Variants in AEBP2 observed in about 807,000 individuals in gnomAD.
The protein encoded by AEBP2 is zinc finger protein AEBP2.
A neutral mutation model predicts 50.8 loss-of-function variants in AEBP2; 10 were observed. That is an observed-to-expected ratio of 0.20 (90% confidence interval 0.12 to 0.33). The LOEUF (loss-of-function observed/expected upper bound fraction) is 0.33. Ranked by LOEUF, AEBP2 falls within the 10% of genes least tolerant of loss-of-function variation. The probability of loss-of-function intolerance (pLI) is 1.00; values close to 1 mark genes in which losing one functional copy is unlikely to be tolerated. For synonymous variants in AEBP2, 296 were observed against 261.3 expected (o/e 1.13, Z -1.28); for missense variants, 570 against 688.0 (o/e 0.83, Z 1.92).
Position 19,519,499 on chromosome 12 carries a change from C to T in AEBP2, c.*1382C>T, listed in dbSNP as rs1949369370. On this transcript the variant is annotated 3_prime_UTR_variant, in exon 8 of 8. Transcript: ENST00000266508. ...CTATACCCATAATAGAATTATGGCA[C>T]TCATTTCTGACAGTGATCAAGAAAT... 1 of 152,548 alleles carries T rather than the reference C, an allele frequency of 6.6e-6. No homozygotes were observed. The allele number at this position is 152,548 out of a possible 1,614,324, so 9.4% of individuals were successfully genotyped here.
intron 1 of AEBP2, among the ~76,000 whole-genome samples, chr12:19,431,279 A>G (rs1328210276): frequency 6.6e-6 from 1 of 152,242 alleles, no homozygotes; most frequent in African/African-American, 2.4e-5. Context: ...CTTATTAAAT[A>G]TTAAGTTTAG....
At chr12:19,433,012 A>T (rs765335218) in intron 1 of AEBP2, among the ~76,000 whole-genome samples, 4 of 152,188 alleles carry the variant, frequency 2.6e-5, no homozygotes, top group Non-Finnish European at 5.9e-5. Flanking sequence ...AATTACCTAT[A>T]GCATCACACG....
At chr12:19,469,092 G>A (rs1489829402) in intron 2 of AEBP2, among the ~76,000 whole-genome samples, 2 of 151,968 alleles carry the variant, frequency 1.3e-5, no homozygotes, top group Non-Finnish European at 2.9e-5. Context: ...ACCTGGTTAA[G>A]TTTTTGTATT....
chr12:19,417,162 G>A (rs2153363998), intron 1 of AEBP2, among the ~76,000 whole-genome samples: 1 of 151,972 alleles, frequency 6.6e-6, no homozygotes, highest in African/African-American at 2.4e-5. Context: ...GTAAACCACT[G>A]CGCCCGGCCC....
chr12:19,502,373 A>C (rs1949094726), intron 5 of AEBP2, among the ~76,000 whole-genome samples: 2 of 152,104 alleles, frequency 1.3e-5, no homozygotes, highest in South Asian at 4.1e-4. Context: ...ACCTCAAGTG[A>C]TCTGCCTGCC....
chr12:19,448,550 C>T (rs1592723014), intron 1 of AEBP2, among the ~76,000 whole-genome samples: 1 of 151,634 alleles, frequency 6.6e-6, no homozygotes, highest in Non-Finnish European at 1.5e-5. Flanking sequence ...TGCACTCACT[C>T]AGTATGTCGT....
rs183167239 is a variant in AEBP2, at chr12:19,464,679, C to T, written c.879+1962C>T. Among the ~76,000 whole-genome samples the T allele has an allele frequency of 4.5e-3, 680 of 151,714 alleles. 7 individuals are homozygous for T. The highest frequency in any genetic ancestry group is 5.1e-3 in the Non-Finnish European group (348 of 67,920). On this transcript the variant is annotated intron_variant, in intron 2 of 7. Transcript: ENST00000266508. The stretch of plus-strand genomic sequence containing the variant: ...TCAGCTCACTGCAACCTCTGCCTCC[C>T]GGGTTCAGGTGATTCTCCTGCCTCA...
At chr12:19,460,543 G>T (rs903292639) in intron 1 of AEBP2, among the ~76,000 whole-genome samples, 4 of 151,918 alleles carry the variant, frequency 2.6e-5, no homozygotes, top group African/African-American at 4.8e-5. Context: ...TAGTAGAGAT[G>T]TGGTTTCACC....
chr12:19,431,976 T>G (rs2095751667), intron 1 of AEBP2, among the ~76,000 whole-genome samples: 1 of 151,564 alleles, frequency 6.6e-6, no homozygotes, highest in African/African-American at 2.4e-5. Flanking sequence ...TGTAGTATAG[T>G]AGGAATCTCA....
chr12:19,459,392 T>G (rs1199530301), intron 1 of AEBP2, among the ~76,000 whole-genome samples: 1 of 152,048 alleles, frequency 6.6e-6, no homozygotes, highest in African/African-American at 2.4e-5. Context: ...CCACTATGCC[T>G]GGCTAATTTT....
At chr12:19,407,875 T>G (rs1438258584) in intron 1 of AEBP2, among the ~76,000 whole-genome samples, 1 of 151,790 alleles carries the variant, frequency 6.6e-6, no homozygotes, top group Non-Finnish European at 1.5e-5. Flanking sequence ...ATGGAGAAAC[T>G]CCGTCTCTAC....
intron 1 of AEBP2, among the ~76,000 whole-genome samples, chr12:19,406,182 T>A (rs944231148): frequency 3.3e-5 from 5 of 151,838 alleles, no homozygotes; most frequent in African/African-American, 1.2e-4. Flanking sequence ...GCCAGGCTAG[T>A]CTCGAACTTC....
At position 19,473,336 on chromosome 12, in the gene AEBP2, G is replaced by C; in HGVS notation, c.968G>C (p.Ser323Thr). 6.7e-7 allele frequency: 1 copy of C among 1,488,350 alleles called. No individual in the cohort carries two copies. The highest frequency in any genetic ancestry group is 9.0e-7 in the Non-Finnish European group (1 of 1,108,760). The allele number at this position is 1,488,350 out of a possible 1,614,324, so 92.2% of individuals were successfully genotyped here. A position where few individuals can be genotyped will look rare whatever the true frequency, so the allele number is the denominator to read the frequency against. The change falls in exon 3 of 8, where the codon AGT becomes ACT. Residue 323 changes from serine (S) to threonine (T), a missense_variant. By Grantham distance (58) the Ser-to-Thr change is moderately conservative. Coordinates refer to ENST00000266508, the MANE Select transcript of AEBP2 (RefSeq NM_153207.5). ...SWLQRHMLTH[S>T]GDKPFKCVVG... ...TTACAAAGGCATATGCTGACACACA[G>C]TGGAGACAAACCTTTCAAGGTAAGG...
intron 1 of AEBP2, 28 bp downstream of exon 1, chr12:19,440,398 C>A: frequency 6.8e-7 from 1 of 1,465,012 alleles, no homozygotes. Flanking sequence ...TTTCCCCTTC[C>A]CTTCCTCCTC....
chr12:19,468,927 T>C (rs1948529381), intron 2 of AEBP2, among the ~76,000 whole-genome samples: 1 of 152,156 alleles, frequency 6.6e-6, no homozygotes, highest in East Asian at 1.9e-4. Context: ...AGTCCAAAAA[T>C]ATATGTATGT....
At chr12:19,504,665 C>A (rs979370888) in intron 5 of AEBP2, among the ~76,000 whole-genome samples, 3 of 152,110 alleles carry the variant, frequency 2.0e-5, no homozygotes, top group African/African-American at 7.2e-5. Flanking sequence ...GAAGATAGAT[C>A]CTGCTTGAGC....
intron 1 of AEBP2, among the ~76,000 whole-genome samples, chr12:19,414,053 C>T (rs958929702): frequency 1.3e-5 from 2 of 152,006 alleles, no homozygotes; most frequent in Non-Finnish European, 2.9e-5. Flanking sequence ...GCCATCGTGC[C>T]TGGCTAATTT....
intron 3 of AEBP2, among the ~76,000 whole-genome samples, chr12:19,480,411 G>A (rs111814341): frequency 0.014 from 2,068 of 152,250 alleles, 38 homozygotes; most frequent in African/African-American, 0.047. Context: ...TGCCAAGGAG[G>A]TTCTATTTTG....
intron 1 of AEBP2, among the ~76,000 whole-genome samples, chr12:19,423,064 C>CAAAA (rs751550689): frequency 0.053 from 1,862 of 35,022 alleles, 492 homozygotes; most frequent in Middle Eastern, 0.12. Context: ...GACTCTGTCT[C>CAAAA]AAAAAAAAAA....
Sources: gnomAD v4.1 joint callset for allele counts (sites outside exome capture counted in the v4.1 genomes callset) on GRCh38, gnomAD v4.1.1 for gene constraint, MANE v1.5 for transcripts, NCBI Gene and HGNC (gene_info 2026-07-23, HGNC 2026-07-21) for gene names.